The following F7 variants were observed in gnomAD, a reference collection of about 807,000 sequenced individuals.
The protein encoded by F7 is coagulation factor VII.
Under a neutral mutation model 47.5 loss-of-function variants are expected in F7, and 38 were observed. That is an observed-to-expected ratio of 0.80 (90% CI 0.62 to 1.05). F7 has a LOEUF of 1.05. Ranked by LOEUF, F7 falls within the 50% of genes least tolerant of loss-of-function variation. The probability of loss-of-function intolerance (pLI) is 0.00; values close to 1 mark genes in which losing one functional copy is unlikely to be tolerated. For synonymous variants in F7, 244 were observed against 258.5 expected, an observed-to-expected ratio of 0.94 and a Z score of 0.54; for missense variants, 575 against 605.4, an observed-to-expected ratio of 0.95 and a Z score of 0.53.
At position 113,116,876 on chromosome 13, in the gene F7, G is replaced by T. The variant is rs769452933; in HGVS notation, c.615+1G>T. On this transcript the variant is annotated splice_donor_variant, in intron 6 of 7. Transcript: ENST00000346342. LOFTEE classifies it high-confidence loss of function. ...CCCCAAAGGGGAGTGTCCATGGCAG[G>T]TAAGGCTTCCCCTGGCTTCAGGATT... The T allele has an allele frequency of 3.7e-6, 6 of 1,610,436 alleles. No homozygotes were observed. The East Asian group carries it at 1.3e-4, about 36-fold the overall frequency.
intron 1 of F7, among the ~76,000 whole-genome samples, chr13:113,108,717 G>A (rs374623740): frequency 3.2e-5 from 4 of 125,238 alleles, no homozygotes; most frequent in Non-Finnish European, 3.4e-5. Context: ...TGGGTGTCCC[G>A]GGGGTCGTGG....
At chr13:113,106,778 T>C in intron 1 of F7, 1 of 1,487,070 alleles carries the variant, frequency 6.7e-7, no homozygotes, top group South Asian at 1.2e-5. Flanking sequence ...GGACAGTGCC[T>C]GGGATGTGGG....
chr13:113,118,919 A>T lies in F7; in HGVS notation c.1246A>T (p.Thr416Ser). 1 of 1,611,944 alleles carries T rather than the reference A, an allele frequency of 6.2e-7. No homozygotes were observed. The change falls in exon 8 of 8, where the codon ACC becomes TCC. Residue 416 changes from threonine (T) to serine (S), a missense_variant. By Grantham distance (58) the Thr-to-Ser change is moderately conservative. Coordinates refer to ENST00000346342, the MANE Select transcript of F7 (RefSeq NM_019616.4). ...CATVGHFGVY[T>S]RVSQYIEWLQ... ...AACCGTGGGCCACTTTGGGGTGTAC[A>T]CCAGGGTCTCCCAGTACATCGAGTG... is the stretch of plus-strand genomic sequence containing the variant.
chr13:113,114,465 C>T (rs1016462606), intron 4 of F7: 6 of 193,294 alleles, frequency 3.1e-5, no homozygotes, highest in South Asian at 1.0e-4. Flanking sequence ...CCGTTTATTA[C>T]AGCAAAGGAT....
chr13:113,112,175 G>C (rs1401783776), intron 2 of F7, among the ~76,000 whole-genome samples: 4 of 116,568 alleles, frequency 3.4e-5, no homozygotes, highest in South Asian at 5.9e-4. Context: ...ACACCTCACA[G>C]AGGTCACCTC....
At chr13:113,112,159 C>T (rs1357473621) in intron 2 of F7, among the ~76,000 whole-genome samples, 2 of 144,800 alleles carry the variant, frequency 1.4e-5, no homozygotes, top group Non-Finnish European at 3.0e-5. Context: ...ACCTCACACC[C>T]ACAGGACACC....
intron 7 of F7, 52 bp from the exon 8 acceptor site, chr13:113,118,361 G>A: frequency 6.5e-7 from 1 of 1,537,874 alleles, no homozygotes; most frequent in South Asian, 1.2e-5. Context: ...ATGCACCAGG[G>A]GGTGAGGTGG....
intron 1 of F7, among the ~76,000 whole-genome samples, chr13:113,107,321 C>T (rs1432253575): frequency 2.1e-5 from 2 of 95,214 alleles, no homozygotes; most frequent in Admixed American, 1.0e-4. Context: ...GTGGGTGTCC[C>T]GGGAGTGTGG....
intron 2 of F7, 141 bp downstream of exon 2, chr13:113,110,991 G>C (rs1035470917): frequency 2.0e-6 from 2 of 991,506 alleles, no homozygotes; most frequent in African/African-American, 1.8e-5. Context: ...TTTCTGCGGG[G>C]GTCGCTTTCC....
rs2036244814 is a variant in F7, at chr13:113,118,724, C to G, written c.1051C>G (p.Gln351Glu). The G allele has an allele frequency of 6.2e-7, 1 of 1,613,078 alleles. No individual in the cohort carries two copies. ...PRLMTQDCLQQSRKVGDSPNI... is the reference protein window; with the variant it reads ...PRLMTQDCLQESRKVGDSPNI... ...GCTGATGACCCAGGACTGCCTGCAG[C>G]AGTCACGGAAGGTGGGAGACTCCCC... The change falls in exon 8 of 8, where the codon CAG (glutamine) becomes GAG (glutamate). Residue 351 changes from glutamine (Q) to glutamate (E), a missense_variant. Physicochemically the swap from Gln to Glu is conservative, Grantham distance 29. Coordinates refer to ENST00000346342, the MANE Select transcript of F7 (RefSeq NM_019616.4).
intron 2 of F7, among the ~76,000 whole-genome samples, chr13:113,111,130 C>A (rs1398986551): frequency 6.6e-6 from 1 of 152,220 alleles, no homozygotes; most frequent in Non-Finnish European, 1.5e-5. Context: ...CTTAGGGTGT[C>A]CCCCTTAACT....
chr13:113,119,932 C>A lies in F7; in HGVS notation c.*924C>A, dbSNP rs1163964662. ...AACTCTCCCCCAAATGTATTTCTCC[C>A]TTCGCTGGGTGCCGGGCTGCACAGA... On this transcript the variant is annotated 3_prime_UTR_variant, in exon 8 of 8. Coordinates refer to ENST00000346342, the MANE Select transcript of F7 (RefSeq NM_019616.4). 6.6e-6 allele frequency: 1 copy of A among 152,312 alleles called. No homozygotes were observed. Among genetic ancestry groups the A allele is most frequent in the Admixed American group, 6.5e-5 (1 of 15,288 alleles). 9.4% of individuals were successfully genotyped at this position (152,312 alleles called of 1,614,324 possible).
intron 1 of F7, 68 bp from the exon 2 acceptor site, chr13:113,110,622 C>T: frequency 1.3e-6 from 2 of 1,538,786 alleles, no homozygotes; most frequent in African/African-American, 2.7e-5. Flanking sequence ...CCGCGTGGGC[C>T]GTGGGGCGGT....
At chr13:113,112,468 C>G (rs1178844147) in intron 2 of F7, among the ~76,000 whole-genome samples, 3 of 149,362 alleles carry the variant, frequency 2.0e-5, no homozygotes, top group Non-Finnish European at 4.5e-5. Context: ...ATACCTCACA[C>G]TCAGGGCACA....
In F7 at chr13:113,118,691, G is replaced by A. The variant is rs757669648; in HGVS notation, c.1018G>A (p.Val340Met). 6.8e-6 allele frequency: 11 copies of A among 1,612,662 alleles called. No individual in the cohort carries two copies. The Admixed American group carries it at 1.5e-4, about 22-fold the overall frequency. ...ATALELMVLN[V>M]PRLMTQDCLQ... is the part of the protein sequence containing the mutation. ...GGCCCTGGAGCTCATGGTCCTCAACGTGCCCCGGCTGATGACCCAGGACTG... is the reference window on the plus strand; with the variant it reads ...GGCCCTGGAGCTCATGGTCCTCAACATGCCCCGGCTGATGACCCAGGACTG... Residue 340 changes from valine (V) to methionine (M), a missense_variant, in exon 8 of 8, where the codon GTG (valine) becomes ATG (methionine). Physicochemically the swap from Val to Met is conservative, Grantham distance 21. Coordinates refer to ENST00000346342, the MANE Select transcript of F7 (RefSeq NM_019616.4).
At chr13:113,116,299 C>T (rs985488577) in intron 5 of F7, among the ~76,000 whole-genome samples, 2 of 152,252 alleles carry the variant, frequency 1.3e-5, no homozygotes, top group Admixed American at 6.5e-5. Context: ...ACCCTGGCCA[C>T]ACAGCCTGGG....
chr13:113,113,688 G>A lies in F7; in HGVS notation c.226-64G>A. ...CCAACCCCAGTTCATGGTGTGTCCA[G>A]TGCTTACCGTTGGGTGCTCTGGTGA... On this transcript the variant is annotated intron_variant, in intron 2 of 7. Transcript: ENST00000346342. The surrounding 1 kb of genome is among the most constrained non-coding windows in gnomAD (Gnocchi z 4.1). 6.5e-7 allele frequency: 1 copy of A among 1,540,370 alleles called. No individual in the cohort carries two copies. The highest frequency in any genetic ancestry group is 9.0e-7 in the Non-Finnish European group (1 of 1,113,198).
In F7 at chr13:113,113,652, G is replaced by A. The variant is rs2036143454; in HGVS notation, c.226-100G>A. 9.4e-6 allele frequency: 12 copies of A among 1,271,762 alleles called. No individual in the cohort carries two copies. Among genetic ancestry groups the A allele is most frequent in the African/African-American group, 5.8e-5 (4 of 68,538 alleles). 78.8% of individuals were successfully genotyped at this position (1,271,762 alleles called of 1,614,324 possible). On this transcript the variant is annotated intron_variant, in intron 2 of 7. Transcript: ENST00000346342. This position sits in a 1 kb window ranked among gnomAD's most constrained non-coding sequence, Gnocchi z 4.1. Reference sequence around the variant, plus strand: ...CCTGAGCCCACCCCGCCAGACCCAGGTCCAAGTCCCCCAACCCCAGTTCAT... The same window carrying A: ...CCTGAGCCCACCCCGCCAGACCCAGATCCAAGTCCCCCAACCCCAGTTCAT...
At chr13:113,117,020 G>A (rs747438319) in intron 6 of F7, 145 bp downstream of exon 6, 45 of 732,616 alleles carry the variant, frequency 6.1e-5, no homozygotes, top group Non-Finnish European at 9.1e-5. Flanking sequence ...CCTCCAGCTC[G>A]CGGCACCCCC....
Sources: gnomAD v4.1 joint callset for allele counts (sites outside exome capture counted in the v4.1 genomes callset) on GRCh38, gnomAD v4.1.1 for gene constraint, Gnocchi (gnomAD v3.1) non-coding constraint, MANE v1.5 for transcripts, NCBI Gene and HGNC (gene_info 2026-07-23, HGNC 2026-07-21) for gene names.